Variants in FHIT observed in about 807,000 individuals in gnomAD.
FHIT encodes the protein fragile histidine triad diadenosine triphosphatase.
FHIT carries 19 observed loss-of-function variants against 17.9 expected under a neutral mutation model. The ratio of observed to expected loss-of-function variants is 1.06; its 90% CI spans 0.74 to 1.56. The LOEUF (loss-of-function observed/expected upper bound fraction) is 1.56. Among genes scored for constraint, FHIT ranks in the 40% most tolerant of loss-of-function variants. The pLI, the probability that FHIT is intolerant of heterozygous loss-of-function variation, is 0.00. For missense variants in FHIT, 248 were observed against 189.2 expected, an observed-to-expected ratio of 1.31 and a Z score of -1.82; for synonymous variants, 81 against 69.7, an observed-to-expected ratio of 1.16 and a Z score of -0.81.
chr3:60,417,041 A>G (rs1023875869), intron 5 of FHIT, among the ~76,000 whole-genome samples: 4 of 151,602 alleles, frequency 2.6e-5, no homozygotes, highest in Non-Finnish European at 4.4e-5. Context: ...GTGAGCCGAG[A>G]TCGCACCACT....
At chr3:60,654,628 G>A (rs1178518935) in intron 4 of FHIT, among the ~76,000 whole-genome samples, 1 of 152,088 alleles carries the variant, frequency 6.6e-6, no homozygotes, top group Non-Finnish European at 1.5e-5. Flanking sequence ...AAACTAAAAG[G>A]TGGAATGATT....
intron 5 of FHIT, among the ~76,000 whole-genome samples, chr3:60,462,265 C>A (rs1020153036): frequency 6.6e-6 from 1 of 152,146 alleles, no homozygotes; most frequent in Non-Finnish European, 1.5e-5. Flanking sequence ...TCCACCACAC[C>A]TTTAAGAATG....
intron 4 of FHIT, among the ~76,000 whole-genome samples, chr3:60,565,098 T>G (rs916974530): frequency 6.6e-5 from 10 of 152,182 alleles, no homozygotes; most frequent in Non-Finnish European, 1.3e-4. Flanking sequence ...ATTTTTATTG[T>G]TCACATTTTT....
intron 3 of FHIT, among the ~76,000 whole-genome samples, chr3:60,882,319 A>T (rs576799078): frequency 6.6e-6 from 1 of 152,278 alleles, no homozygotes; most frequent in Admixed American, 6.5e-5. Flanking sequence ...ACTAATGCCC[A>T]TCCTTCTCAA....
intron 5 of FHIT, among the ~76,000 whole-genome samples, chr3:60,122,276 C>A (rs1033331120): frequency 1.1e-4 from 16 of 152,114 alleles, no homozygotes; most frequent in African/African-American, 3.9e-4. Flanking sequence ...ACAACCACAT[C>A]AACAGATAAG....
chr3:61,240,699 T>C (rs2040353934), intron 1 of FHIT, among the ~76,000 whole-genome samples: 1 of 152,218 alleles, frequency 6.6e-6, no homozygotes, highest in South Asian at 2.1e-4. Flanking sequence ...GAATTTAAGG[T>C]ACCTTGCCTT....
intron 3 of FHIT, among the ~76,000 whole-genome samples, chr3:60,833,918 TC>T (rs1702424893): frequency 6.6e-6 from 1 of 152,232 alleles, no homozygotes; most frequent in African/African-American, 2.4e-5. Context: ...TGTGTTTTTT[TC>T]CCCTTTAATC....
At chr3:60,809,377 T>C (rs1553735397) in intron 4 of FHIT, among the ~76,000 whole-genome samples, 3 of 152,102 alleles carry the variant, frequency 2.0e-5, no homozygotes, top group African/African-American at 7.2e-5. Context: ...TATTCCCAGG[T>C]CTTACATGGC....
chr3:60,151,082 GTT>G (rs1700444056), intron 5 of FHIT, among the ~76,000 whole-genome samples: 1 of 152,072 alleles, frequency 6.6e-6, no homozygotes, highest in Admixed American at 6.5e-5. Context: ...TCTTTTCACG[GTT>G]TTAGTGAGAG....
intron 5 of FHIT, among the ~76,000 whole-genome samples, chr3:60,226,933 T>G (rs1168144024): frequency 6.6e-6 from 1 of 152,140 alleles, no homozygotes; most frequent in East Asian, 1.9e-4. Context: ...TGAATCAAAT[T>G]TAATTTAAAG....
At chr3:60,299,365 C>T (rs1043476803) in intron 5 of FHIT, among the ~76,000 whole-genome samples, 1 of 151,950 alleles carries the variant, frequency 6.6e-6, no homozygotes, top group Non-Finnish European at 1.5e-5. Flanking sequence ...AGGGTTTTTC[C>T]TACTATTTTC....
At chr3:60,283,181 C>T (rs533406551) in intron 5 of FHIT, among the ~76,000 whole-genome samples, 2 of 152,108 alleles carry the variant, frequency 1.3e-5, no homozygotes, top group South Asian at 4.2e-4. Context: ...ATTCCTTTCA[C>T]TGGAAATCTG....
chr3:60,269,230 A>G (rs1448866125), intron 5 of FHIT, among the ~76,000 whole-genome samples: 1 of 152,232 alleles, frequency 6.6e-6, no homozygotes, highest in Non-Finnish European at 1.5e-5. Context: ...AAGAACACCT[A>G]AAGGAATAAG....
chr3:60,625,756 T>C (rs1357303645), intron 4 of FHIT, among the ~76,000 whole-genome samples: 1 of 145,738 alleles, frequency 6.9e-6, no homozygotes, highest in Non-Finnish European at 1.6e-5. Context: ...TCTTTTTCCA[T>C]TTGTTGCTTG....
chr3:60,453,936 T>C (rs60612410), intron 5 of FHIT, among the ~76,000 whole-genome samples: 6,393 of 152,112 alleles, frequency 0.042, 431 homozygotes, highest in African/African-American at 0.14. Context: ...AGGGAGATAA[T>C]GCTGAGTAAT....
rs184850928 is a variant in FHIT, at chr3:60,345,129, C to A, written c.103+191731G>T. On this transcript the variant is annotated intron_variant, in intron 5 of 9. Transcript: ENST00000492590. ...CAAATTTTAAATCATTTGTGTCATA[C>A]TGGTAATGAACAAATTACTAAGTGT... is the stretch of plus-strand genomic sequence containing the variant. Among the ~76,000 whole-genome samples, 172 of 152,298 alleles carry A rather than the reference C, an allele frequency of 1.1e-3. 1 individual carries two copies. Among genetic ancestry groups the A allele is most frequent in the Admixed American group, 1.6e-3 (25 of 15,290 alleles).
intron 2 of FHIT, among the ~76,000 whole-genome samples, chr3:61,127,834 C>T (rs2036654606): frequency 6.6e-6 from 1 of 151,986 alleles, no homozygotes; most frequent in African/African-American, 2.4e-5. Context: ...CATGCCACTG[C>T]ACTCCAGTCT....
At chr3:60,312,603 G>A (rs1468903490) in intron 5 of FHIT, among the ~76,000 whole-genome samples, 1 of 152,128 alleles carries the variant, frequency 6.6e-6, no homozygotes, top group East Asian at 1.9e-4. Flanking sequence ...TAACAGTTCT[G>A]GTATGGACCT....
intron 5 of FHIT, among the ~76,000 whole-genome samples, chr3:60,466,140 A>T (rs2032778709): frequency 6.6e-6 from 1 of 151,884 alleles, no homozygotes; most frequent in South Asian, 2.1e-4. Flanking sequence ...GTTGATTTGT[A>T]GTTATTGTAA....
Sources: allele counts gnomAD v4.1 joint callset (sites outside exome capture counted in the v4.1 genomes callset), GRCh38; gene constraint gnomAD v4.1.1; transcripts MANE v1.5; gene names NCBI Gene and HGNC (gene_info 2026-07-23, HGNC 2026-07-21).